The following PRMT9 variants were observed in gnomAD, a reference collection of about 807,000 sequenced individuals.
PRMT9 encodes protein arginine N-methyltransferase 9.
A neutral mutation model predicts 83.2 loss-of-function variants in PRMT9; 59 were observed. That is an observed-to-expected ratio of 0.71 (90% CI 0.57 to 0.88). The LOEUF (loss-of-function observed/expected upper bound fraction) is 0.88. PRMT9 is among the 40% of genes least tolerant of loss of function. PRMT9 has a pLI of 0.00. For synonymous variants in PRMT9, 333 were observed against 353.2 expected, an observed-to-expected ratio of 0.94 and a Z score of 0.64; for missense variants, 947 against 1,021.9, an observed-to-expected ratio of 0.93 and a Z score of 1.00.
rs67280922 is a variant in PRMT9, at chr4:147,659,593, TC to T, written c.1146+1252del. ...CACTTTCTTTTCTTTTTTTTTTTTT[TC>T]TGAGACGGAGTTTCGCTCTTGTTGC... On this transcript the variant is annotated intron_variant, in intron 7 of 11. Coordinates refer to ENST00000322396, the MANE Select transcript of PRMT9 (RefSeq NM_138364.4). Among the ~76,000 whole-genome samples the T allele has an allele frequency of 1.0e-4, 15 of 144,908 alleles. 1 individual carries two copies. Among genetic ancestry groups the T allele is most frequent in the East Asian group, 1.0e-3 (5 of 4,998 alleles).
chr4:147,641,954 T>A (rs1373627114), intron 10 of PRMT9, among the ~76,000 whole-genome samples: 1 of 152,168 alleles, frequency 6.6e-6, no homozygotes, highest in Non-Finnish European at 1.5e-5. Context: ...TGAGCCACCA[T>A]GCCCAGCCCA....
intron 1 of PRMT9, among the ~76,000 whole-genome samples, chr4:147,682,516 T>C (rs980282730): frequency 6.6e-6 from 1 of 152,014 alleles, no homozygotes; most frequent in Non-Finnish European, 1.5e-5. Flanking sequence ...TTCACCATAT[T>C]GGCCAGGCTG....
At chr4:147,678,790 A>G (rs938181991) in intron 2 of PRMT9, among the ~76,000 whole-genome samples, 1 of 152,212 alleles carries the variant, frequency 6.6e-6, no homozygotes, top group Non-Finnish European at 1.5e-5. Flanking sequence ...GTGTACTGTC[A>G]TAACTCACCG....
At chr4:147,671,150 A>G (rs2126629065) in intron 4 of PRMT9, among the ~76,000 whole-genome samples, 1 of 152,270 alleles carries the variant, frequency 6.6e-6, no homozygotes, top group South Asian at 2.1e-4. Context: ...ATTCTCTACC[A>G]TCAATAACTC....
At chr4:147,678,888 A>G (rs1373397234) in intron 2 of PRMT9, among the ~76,000 whole-genome samples, 1 of 152,174 alleles carries the variant, frequency 6.6e-6, no homozygotes, top group African/African-American at 2.4e-5. Context: ...TGCCCCATAC[A>G]CATTTACCCT....
At chr4:147,671,840 A>G (rs1035761455) in intron 4 of PRMT9, 4 of 456,126 alleles carry the variant, frequency 8.8e-6, no homozygotes, top group African/African-American at 6.0e-5. Flanking sequence ...ATGCTGACTC[A>G]TGTCCCTCTC....
At chr4:147,655,795 C>G (rs1009194831) in intron 8 of PRMT9, among the ~76,000 whole-genome samples, 2 of 152,108 alleles carry the variant, frequency 1.3e-5, no homozygotes, top group Non-Finnish European at 2.9e-5. Context: ...TACCAAAGTG[C>G]TAGGATTACA....
At chr4:147,669,220 C>A (rs981989317) in intron 5 of PRMT9, among the ~76,000 whole-genome samples, 1 of 128,830 alleles carries the variant, frequency 7.8e-6, no homozygotes, top group Admixed American at 8.8e-5. Context: ...AAGACCCTGT[C>A]TCTACAGAAA....
chr4:147,655,513 A>G (rs1176471757), intron 8 of PRMT9, among the ~76,000 whole-genome samples: 1 of 152,076 alleles, frequency 6.6e-6, no homozygotes, highest in African/African-American at 2.4e-5. Flanking sequence ...ATTCCTTCTC[A>G]TTAACCCTGG....
At chr4:147,655,463 T>C (rs1734422780) in intron 8 of PRMT9, among the ~76,000 whole-genome samples, 1 of 152,170 alleles carries the variant, frequency 6.6e-6, no homozygotes, top group Admixed American at 6.5e-5. Flanking sequence ...GTGCCTGGCC[T>C]ACATGTGGTA....
chr4:147,673,240 C>CTCTG (rs1735853283), intron 3 of PRMT9, 114 bp from the exon 4 acceptor site: 2 of 846,172 alleles, frequency 2.4e-6, no homozygotes, highest in Non-Finnish European at 3.8e-6. Flanking sequence ...TTTAACACAA[C>CTCTG]CATTACTCAC....
chr4:147,683,590 C>A (rs2126645820), intron 1 of PRMT9, among the ~76,000 whole-genome samples: 1 of 152,200 alleles, frequency 6.6e-6, no homozygotes. Flanking sequence ...AACACCCAAC[C>A]AAGCACCCTA....
intron 4 of PRMT9, chr4:147,671,905 G>T: frequency 2.2e-6 from 1 of 455,872 alleles, no homozygotes; most frequent in Non-Finnish European, 4.4e-6. Context: ...AGAAGGAAAG[G>T]CCGTGTAAAG....
At chr4:147,668,756 G>A (rs927663999) in intron 5 of PRMT9, 111 bp from the exon 6 acceptor site, 22 of 732,662 alleles carry the variant, frequency 3.0e-5, no homozygotes, top group Non-Finnish European at 4.8e-5. Context: ...CAATAAGTAA[G>A]GATAAAGTAA....
chr4:147,666,289 T>A (rs1487700004), intron 6 of PRMT9, among the ~76,000 whole-genome samples: 2 of 152,230 alleles, frequency 1.3e-5, no homozygotes, highest in African/African-American at 4.8e-5. Context: ...TTTTAAAATG[T>A]GGTCACATTT....
At chr4:147,642,738 G>A (rs780286061) in intron 10 of PRMT9, 49 bp downstream of exon 10, 1 of 1,499,370 alleles carries the variant, frequency 6.7e-7, no homozygotes, top group South Asian at 1.1e-5. Context: ...GAGAGCGATG[G>A]TAGACTGTTC....
intron 6 of PRMT9, among the ~76,000 whole-genome samples, chr4:147,666,747 G>A (rs181141088): frequency 1.1e-4 from 17 of 150,226 alleles, no homozygotes; most frequent in Non-Finnish European, 8.9e-5. Context: ...TTTCTACCAG[G>A]TAAAACAGTA....
chr4:147,649,506 C>CT (rs1012751502), intron 9 of PRMT9, among the ~76,000 whole-genome samples: 91 of 146,578 alleles, frequency 6.2e-4, no homozygotes, highest in Middle Eastern at 3.5e-3. Flanking sequence ...TAAGAATGAA[C>CT]TTTTTTTTTT....
intron 2 of PRMT9, among the ~76,000 whole-genome samples, chr4:147,675,231 C>T (rs1172280823): frequency 3.3e-5 from 5 of 152,150 alleles, no homozygotes; most frequent in Non-Finnish European, 7.4e-5. Flanking sequence ...TCACCCACCT[C>T]GGCCTCCCAA....
Sources: gnomAD v4.1 joint callset for allele counts (sites outside exome capture counted in the v4.1 genomes callset) on GRCh38, gnomAD v4.1.1 for gene constraint, MANE v1.5 for transcripts, NCBI Gene and HGNC (gene_info 2026-07-23, HGNC 2026-07-21) for gene names.